The following CSMD3 variants were observed in gnomAD, a reference collection of about 807,000 sequenced individuals.
The protein encoded by CSMD3 is CUB and Sushi multiple domains 3, also known as CUB and sushi domain-containing protein 3.
In CSMD3, 177 loss-of-function variants were observed where a neutral mutation model predicts 435.2. The observed-to-expected ratio is 0.41, with a 90% CI of 0.36 to 0.46. The LOEUF is 0.46. Ranked by LOEUF, CSMD3 falls within the 20% of genes least tolerant of loss-of-function variation. CSMD3 has a pLI of 0.34. For missense variants in CSMD3, 4,265 were observed against 4,504.6 expected (o/e 0.95, Z 1.52); for synonymous variants, 1,656 against 1,520.5 (o/e 1.09, Z -2.07).
intron 22 of CSMD3, among the ~76,000 whole-genome samples, chr8:112,622,551 G>A (rs1387356711): frequency 6.6e-6 from 1 of 152,120 alleles, no homozygotes; most frequent in Non-Finnish European, 1.5e-5. Flanking sequence ...ACCGAACAAT[G>A]ATGAATGTTG....
intron 7 of CSMD3, among the ~76,000 whole-genome samples, chr8:112,973,943 C>A (rs1041456553): frequency 1.3e-5 from 2 of 151,830 alleles, no homozygotes; most frequent in Admixed American, 1.3e-4. Context: ...TAATGTTTTA[C>A]ATCTACTTTG....
In CSMD3 at chr8:112,260,591, T is replaced by C. The variant is rs182506205; in HGVS notation, c.9862+3048A>G. On this transcript the variant is annotated intron_variant, in intron 61 of 70. Coordinates refer to ENST00000297405, the MANE Select transcript of CSMD3 (RefSeq NM_198123.2). ...TTGATTGTAATTTTTTTTTCAGTTA[T>C]ATCAAACAAACAAGCAAACCTGCCA... Among the ~76,000 whole-genome samples, 818 of 152,264 alleles carry C rather than the reference T, an allele frequency of 5.4e-3. 7 individuals carry two copies. Among genetic ancestry groups the C allele is most frequent in the Non-Finnish European group, 7.6e-3 (515 of 68,016 alleles).
rs2131225406 is a variant in CSMD3 at position 112,556,869 on chromosome 8, G to A, written c.4128C>T (p.Thr1376=). The change falls in exon 25 of 71, where the codon ACC becomes ACT. Residue 1376 remains threonine (T), a synonymous_variant. Transcript: ENST00000297405. ...AGCCTGGATTGCATCCATAAATGAT[G>A]GTGCTACCAGCAAAGTGGCCTTGGT... The part of the protein sequence containing the change: ...ISDQGHFAGS[T]IIYGCNPGYT... 6.2e-7 allele frequency: 1 copy of A among 1,611,702 alleles called. No homozygotes were observed. Among genetic ancestry groups the A allele is most frequent in the East Asian group, 2.2e-5 (1 of 44,790 alleles).
rs1423550514 is a variant in CSMD3 at position 112,983,540 on chromosome 8, C to A, written c.1031-7392G>T. Among the ~76,000 whole-genome samples, 3 of 149,620 alleles carry A rather than the reference C, an allele frequency of 2.0e-5. No individual in the cohort carries two copies. The South Asian group carries it at 6.4e-4, about 32-fold the overall frequency. ...TATTCTCTCATAACCAGACAAATAA[C>A]TTTTTGATTGATAGAGGGCCATACT... On this transcript the variant is annotated intron_variant, in intron 6 of 70. Transcript: ENST00000297405.
intron 23 of CSMD3, among the ~76,000 whole-genome samples, chr8:112,575,213 A>C (rs1346674855): frequency 6.6e-6 from 1 of 151,998 alleles, no homozygotes; most frequent in East Asian, 1.9e-4. Flanking sequence ...TCTTCTAACC[A>C]CATTAACCTA....
rs2131580920 is a variant in CSMD3 at position 112,636,880 on chromosome 8, A to T, written c.3652T>A (p.Ser1218Thr). ...CSSGYRLEGT[S>T]EIICLGGGRR... ...CCACCACCAAGACAGATGATCTCTG[A>T]TGTTCCTTCCAGTCGATAACCCGAA... is the stretch of plus-strand genomic sequence containing the variant. Residue 1218 changes from serine (S) to threonine (T), a missense_variant, in exon 22 of 71, where the codon TCA becomes ACA. Around this residue, in one of 3 missense-constraint regions of CSMD3, gnomAD observed 3,255 missense variants for 3,380.2 expected, o/e 0.96. Coordinates refer to ENST00000297405, the MANE Select transcript of CSMD3 (RefSeq NM_198123.2). 6.2e-7 allele frequency: 1 copy of T among 1,613,606 alleles called. No homozygotes were observed. Among genetic ancestry groups the T allele is most frequent in the Non-Finnish European group, 8.5e-7 (1 of 1,179,808 alleles).
intron 3 of CSMD3, among the ~76,000 whole-genome samples, chr8:113,263,638 A>T (rs1441864644): frequency 6.6e-6 from 1 of 151,834 alleles, no homozygotes; most frequent in Non-Finnish European, 1.5e-5. Context: ...TGTTCTATTA[A>T]TTAAGATTTT....
intron 5 of CSMD3, among the ~76,000 whole-genome samples, chr8:113,049,283 T>C (rs1386071065): frequency 6.6e-6 from 1 of 151,866 alleles, no homozygotes. Flanking sequence ...GCTTTTATAC[T>C]CTGAACACTC....
chr8:112,472,371 C>A (rs1221572227), intron 32 of CSMD3, among the ~76,000 whole-genome samples: 1 of 152,104 alleles, frequency 6.6e-6, no homozygotes, highest in East Asian at 1.9e-4. Context: ...ATCCTGTTTT[C>A]ATTTTTGTAT....
chr8:113,298,618 A>C (rs1280285142), intron 2 of CSMD3, among the ~76,000 whole-genome samples: 1 of 152,162 alleles, frequency 6.6e-6, no homozygotes, highest in Non-Finnish European at 1.5e-5. Context: ...TCCAAAGACA[A>C]GAGAAGAAAA....
rs550765427 is a variant in CSMD3 at position 112,566,459 on chromosome 8, C to T, written c.4042+7042G>A. On this transcript the variant is annotated intron_variant, in intron 24 of 70. Transcript: ENST00000297405. ...GTGCCTTTTAAATAAAATCCAAGCC[C>T]GTACTATACTCCACCTTGCCCCTAA... 3.8e-4 allele frequency among the ~76,000 whole-genome samples: 58 copies of T among 151,960 alleles called. 1 individual carries two copies. Among genetic ancestry groups the T allele is most frequent in the Non-Finnish European group, 5.1e-4 (35 of 67,992 alleles).
intron 6 of CSMD3, among the ~76,000 whole-genome samples, chr8:112,997,995 T>A (rs1418599697): frequency 1.3e-5 from 2 of 151,396 alleles, no homozygotes; most frequent in African/African-American, 4.8e-5. Context: ...AATTTTCTCA[T>A]CTACTGCCTT....
At chr8:113,077,992 C>A (rs2089414929) in intron 5 of CSMD3, among the ~76,000 whole-genome samples, 1 of 152,100 alleles carries the variant, frequency 6.6e-6, no homozygotes, top group African/African-American at 2.4e-5. Context: ...AAAGACATTT[C>A]TTTACTTATC....
intron 10 of CSMD3, among the ~76,000 whole-genome samples, chr8:112,908,533 A>T (rs973481952): frequency 1.3e-5 from 2 of 151,656 alleles, no homozygotes; most frequent in Admixed American, 6.6e-5. Flanking sequence ...TGTAATTCTA[A>T]AATGAGCTGA....
chr8:112,866,094 T>G (rs1220277078), intron 10 of CSMD3, among the ~76,000 whole-genome samples: 1 of 152,180 alleles, frequency 6.6e-6, no homozygotes. Flanking sequence ...GAAAGATTTC[T>G]GGTAAGGAAC....
chr8:113,394,741 T>C (rs577547231), intron 1 of CSMD3, among the ~76,000 whole-genome samples: 1 of 152,076 alleles, frequency 6.6e-6, no homozygotes, highest in South Asian at 2.1e-4. Context: ...GACATCAACA[T>C]GTACATGAAA....
chr8:113,093,107 G>T (rs1473085169), intron 5 of CSMD3, among the ~76,000 whole-genome samples: 3 of 152,042 alleles, frequency 2.0e-5, no homozygotes, highest in Non-Finnish European at 4.4e-5. Flanking sequence ...TAGGCATTCT[G>T]TTTATTTTGA....
At chr8:113,420,749 A>G (rs2094605328) in intron 1 of CSMD3, among the ~76,000 whole-genome samples, 1 of 151,984 alleles carries the variant, frequency 6.6e-6, no homozygotes, top group African/African-American at 2.4e-5. Context: ...GGAGTTGAGG[A>G]CCACCCTGGC....
chr8:112,479,605 G>A (rs1021284181), intron 31 of CSMD3, among the ~76,000 whole-genome samples: 1 of 152,116 alleles, frequency 6.6e-6, no homozygotes, highest in African/African-American at 2.4e-5. Flanking sequence ...AGCCACTCTG[G>A]CTTCAGCCTT....
Sources: gnomAD v4.1 joint callset for allele counts (sites outside exome capture counted in the v4.1 genomes callset) on GRCh38, gnomAD v4.1.1 for gene constraint, gnomAD v4.1.1 regional missense constraint, MANE v1.5 for transcripts, NCBI Gene and HGNC (gene_info 2026-07-23, HGNC 2026-07-21) for gene names.